The following CDC42BPB variants were observed in gnomAD, a reference collection of about 807,000 sequenced individuals.
CDC42BPB encodes the protein CDC42 binding protein kinase beta, also known as serine/threonine-protein kinase MRCK beta.
In CDC42BPB, 37 loss-of-function variants were observed where a neutral mutation model predicts 214.9. The observed-to-expected ratio is 0.17, with a 90% confidence interval of 0.13 to 0.23. CDC42BPB has a LOEUF of 0.23. CDC42BPB is among the 10% of genes least tolerant of loss of function. The pLI, the probability that CDC42BPB is intolerant of heterozygous loss-of-function variation, is 1.00. For synonymous variants in CDC42BPB, 931 were observed against 884.0 expected (o/e 1.05, Z -0.94); for missense variants, 1,694 against 2,227.0 (o/e 0.76, Z 4.82).
Position 102,956,382 on chromosome 14 carries a change from G to A in CDC42BPB, c.2902-1694C>T, listed in dbSNP as rs113223247. 7 of 914,374 alleles carry A rather than the reference G, an allele frequency of 7.7e-6. No homozygotes were observed. The African/African-American group carries it at 8.9e-5, about 12-fold the overall frequency. 56.6% of individuals were successfully genotyped at this position (914,374 alleles called of 1,614,324 possible). ...ATTGACTTAATCTTGGTGACAAACT[G>A]TTTCTAGTAAAAACCAACATGTTTC... On this transcript the variant is annotated intron_variant, in intron 21 of 36. Coordinates refer to ENST00000361246, the MANE Select transcript of CDC42BPB (RefSeq NM_006035.4).
intron 36 of CDC42BPB, among the ~76,000 whole-genome samples, chr14:102,936,188 G>C (rs951980975): frequency 6.6e-6 from 1 of 152,134 alleles, no homozygotes; most frequent in African/African-American, 2.4e-5. Context: ...AAACAATTTG[G>C]TGGTTCCTCA....
In CDC42BPB at chr14:102,943,973, G is replaced by A. The variant is rs757617177; in HGVS notation, c.4326C>T (p.Ser1442=). 6.2e-7 allele frequency: 1 copy of A among 1,613,038 alleles called. No homozygotes were observed. The highest frequency in any genetic ancestry group is 1.1e-5 in the South Asian group (1 of 91,076). The change falls in exon 30 of 37, where the codon AGC becomes AGT. Residue 1442 remains serine, a synonymous_variant. Transcript: ENST00000361246. The surrounding 1 kb of genome is among the most constrained non-coding windows in gnomAD (Gnocchi z 4.6). ...LESEEYLLCF[S]HMGLYVDPQG... ...GCGGGTCCACGTACAGTCCCATGTG[G>A]CTGAAGCAAAGCAGGTACTCCTCGC...
chr14:102,956,709 G>T (rs1326280828), intron 21 of CDC42BPB, among the ~76,000 whole-genome samples: 2 of 152,114 alleles, frequency 1.3e-5, no homozygotes, highest in Non-Finnish European at 2.9e-5. Context: ...AGCACCTGTA[G>T]TGCCAGCTAC....
In CDC42BPB at chr14:102,955,995, G is replaced by A. The variant is rs76222219; in HGVS notation, c.2902-1307C>T. 5.1e-4 allele frequency among the ~76,000 whole-genome samples: 78 copies of A among 152,294 alleles called. 1 individual carries two copies. In the East Asian group the frequency reaches 0.011, roughly 22 times the overall value. On this transcript the variant is annotated intron_variant, in intron 21 of 36. Transcript: ENST00000361246. Reference sequence around the variant, plus strand: ...TCACAAGGGAAAGGCTAGCTCGACTGGCTAATTACCAAAGCTCAAAAATGT... The same window carrying A: ...TCACAAGGGAAAGGCTAGCTCGACTAGCTAATTACCAAAGCTCAAAAATGT...
At chr14:102,981,862 CTG>C (rs1208307707) in intron 7 of CDC42BPB, among the ~76,000 whole-genome samples, 4 of 152,208 alleles carry the variant, frequency 2.6e-5, no homozygotes, top group Non-Finnish European at 5.9e-5. Context: ...TGACAAAAAA[CTG>C]TTGATATGTA....
chr14:103,052,728 T>G (rs1888677987), intron 1 of CDC42BPB, among the ~76,000 whole-genome samples: 2 of 152,180 alleles, frequency 1.3e-5, no homozygotes, highest in Non-Finnish European at 2.9e-5. Flanking sequence ...GGTCCGCCTC[T>G]GTGACACCAG....
chr14:102,949,842 G>A lies in CDC42BPB; in HGVS notation c.3372C>T (p.Cys1124=). The A allele has an allele frequency of 1.2e-6, 2 of 1,613,658 alleles. No homozygotes were observed. Among genetic ancestry groups the A allele is most frequent in the Non-Finnish European group, 1.7e-6 (2 of 1,180,006 alleles). ...CAGGCAGATCATACAGGAAGAGCTT[G>A]CAGTCACAGACGACTGCATATGCGC... The part of the protein sequence containing the change: ...WQRAYAVVCD[C]KLFLYDLPEG... The change falls in exon 26 of 37, where the codon TGC becomes TGT. Residue 1124 remains cysteine, a synonymous_variant. Coordinates refer to ENST00000361246, the MANE Select transcript of CDC42BPB (RefSeq NM_006035.4).
At position 103,057,032 on chromosome 14, in the gene CDC42BPB, G is replaced by A; in HGVS notation, c.142C>T (p.Arg48Cys). The A allele has an allele frequency of 2.0e-6, 3 of 1,504,386 alleles. No individual in the cohort carries two copies. Among genetic ancestry groups the A allele is most frequent in the Non-Finnish European group, 2.7e-6 (3 of 1,130,566 alleles). 93.2% of individuals were successfully genotyped at this position (1,504,386 alleles called of 1,614,324 possible). A position where few individuals can be genotyped will look rare whatever the true frequency, so the allele number is the denominator to read the frequency against. Residue 48 changes from arginine to cysteine, a missense_variant, in exon 1 of 37, where the codon CGC becomes TGC. Transcript: ENST00000361246. ...AGGAACTCGGCCACGTACTTGTCGC[G>A]GCGCAGGGCCGAGTGGCTGCACTCG... ...YTECSHSALRRDKYVAEFLEW... is the reference protein window; with the variant it reads ...YTECSHSALRCDKYVAEFLEW...
At chr14:102,991,088 T>G (rs1387362415) in intron 5 of CDC42BPB, among the ~76,000 whole-genome samples, 1 of 152,182 alleles carries the variant, frequency 6.6e-6, no homozygotes, top group Non-Finnish European at 1.5e-5. Flanking sequence ...AAGAGGATAT[T>G]TGCATGGTCT....
At chr14:103,050,712 G>C (rs1450297606) in intron 1 of CDC42BPB, among the ~76,000 whole-genome samples, 1 of 152,118 alleles carries the variant, frequency 6.6e-6, no homozygotes, top group Non-Finnish European at 1.5e-5. Context: ...AGACATGACA[G>C]AGCCACTACA....
rs537476700 is a variant in CDC42BPB at position 102,944,180 on chromosome 14, G to A, written c.4119C>T (p.Pro1373=). The A allele has an allele frequency of 1.2e-5, 19 of 1,613,294 alleles. No homozygotes were observed. Among genetic ancestry groups the A allele is most frequent in the Middle Eastern group, 1.6e-4 (1 of 6,062 alleles). Residue 1373 remains proline (P), a synonymous_variant, in exon 30 of 37, where the codon CCC becomes CCT. Coordinates refer to ENST00000361246, the MANE Select transcript of CDC42BPB (RefSeq NM_006035.4). This position sits in a 1 kb window ranked among gnomAD's most constrained non-coding sequence, Gnocchi z 6.6. ...GCACCGCCAGGCACTGCACGCTGCC[G>A]GGAGCCACAATCTCATTGAACTTTC... ...FHRKFNEIVA[P]GSVQCLAVLR... is the part of the protein sequence containing the mutation.
intron 11 of CDC42BPB, among the ~76,000 whole-genome samples, chr14:102,974,862 C>T (rs566366200): frequency 6.6e-5 from 10 of 152,258 alleles, no homozygotes; most frequent in African/African-American, 9.6e-5. Flanking sequence ...AGGAGAATGG[C>T]GTGAACCCAG....
intron 1 of CDC42BPB, among the ~76,000 whole-genome samples, chr14:103,018,929 C>A (rs1208262945): frequency 6.6e-6 from 1 of 152,098 alleles, no homozygotes. Flanking sequence ...AGGGAGGATG[C>A]AGGCCATTCG....
intron 1 of CDC42BPB, among the ~76,000 whole-genome samples, chr14:103,040,058 A>G (rs1007509215): frequency 6.6e-6 from 1 of 152,218 alleles, no homozygotes; most frequent in Non-Finnish European, 1.5e-5. Flanking sequence ...TTGAACACGT[A>G]AAAATAGATA....
intron 1 of CDC42BPB, among the ~76,000 whole-genome samples, chr14:103,028,096 C>T (rs1010661263): frequency 3.9e-5 from 6 of 152,284 alleles, no homozygotes; most frequent in Admixed American, 3.3e-4. Flanking sequence ...TGCCACTGCA[C>T]TCCAGCCTGG....
In CDC42BPB at chr14:102,972,015, C is replaced by T. The variant is rs1893495429; in HGVS notation, c.1788G>A (p.Arg596=). 1 of 1,614,128 alleles carries T rather than the reference C, an allele frequency of 6.2e-7. No individual in the cohort carries two copies. The highest frequency in any genetic ancestry group is 1.3e-5 in the African/African-American group (1 of 74,944). Residue 596 remains arginine, a synonymous_variant, in exon 13 of 37, where the codon CGG becomes CGA. Coordinates refer to ENST00000361246, the MANE Select transcript of CDC42BPB (RefSeq NM_006035.4). ...ELRAQKQKVS[R]QLRDKEEEME... ...TCTCCTCCTCCTTGTCTCGCAGCTG[C>T]CGGGACACCTTCTGCTTCTGGGCAC...
In CDC42BPB at chr14:103,057,457, C is replaced by G. The variant is rs1889052978; in HGVS notation, c.-284G>C. 3.2e-6 allele frequency: 1 copy of G among 310,432 alleles called. No individual in the cohort carries two copies. Among genetic ancestry groups the G allele is most frequent in the Non-Finnish European group, 4.6e-6 (1 of 215,402 alleles). 19.2% of individuals were successfully genotyped at this position (310,432 alleles called of 1,614,324 possible). Reference sequence around the variant, plus strand: ...CGGCCCGCCCCCGCCGCCCTCAGCCCCGCCCGCGGCCGCGCCCTCCCCGCC... The same window carrying G: ...CGGCCCGCCCCCGCCGCCCTCAGCCGCGCCCGCGGCCGCGCCCTCCCCGCC... On this transcript the variant is annotated 5_prime_UTR_variant, in exon 1 of 37. Transcript: ENST00000361246.
At chr14:102,959,419 C>CA (rs1393593829) in intron 21 of CDC42BPB, among the ~76,000 whole-genome samples, 3 of 152,046 alleles carry the variant, frequency 2.0e-5, no homozygotes, top group African/African-American at 7.2e-5. Context: ...TCTCTGGGAG[C>CA]ACCTCAAATA....
chr14:103,028,596 C>G (rs1447391559), intron 1 of CDC42BPB, among the ~76,000 whole-genome samples: 2 of 152,252 alleles, frequency 1.3e-5, no homozygotes, highest in African/African-American at 2.4e-5. Context: ...ACACGCCCGT[C>G]TGCAGTGCAG....
Sources: gnomAD v4.1 joint callset for allele counts (sites outside exome capture counted in the v4.1 genomes callset) on GRCh38, gnomAD v4.1.1 for gene constraint, Gnocchi (gnomAD v3.1) non-coding constraint, MANE v1.5 for transcripts, NCBI Gene and HGNC (gene_info 2026-07-23, HGNC 2026-07-21) for gene names.